Variants in SPMIP8 observed in about 807,000 individuals in gnomAD.
The protein encoded by SPMIP8 is testicular tissue protein Li 196.
At chr16:57,985,840 G>A in the SPMIP8 span, 2 of 1,541,282 alleles carry the variant, frequency 1.3e-6, no homozygotes, top group Non-Finnish European at 1.8e-6. Flanking sequence ...TGGCTCCCGA[G>A]GTCGAGTGAG....
At chr16:57,976,771 T>C in the SPMIP8 span, 1 of 1,013,466 alleles carries the variant, frequency 9.9e-7, no homozygotes, top group Non-Finnish European at 1.4e-6. Context: ...TCCTCCATGA[T>C]CTAAGGTCCT....
chr16:57,985,760 C>A, the SPMIP8 span: 2 of 1,168,252 alleles, frequency 1.7e-6, no homozygotes, highest in Admixed American at 3.1e-5. Flanking sequence ...TCCACCCTTG[C>A]GGAGTGGAGG....
At chr16:57,984,556 G>A in the SPMIP8 span, 2 of 1,496,828 alleles carry the variant, frequency 1.3e-6, no homozygotes, top group Non-Finnish European at 1.8e-6. Context: ...GTCAACTGAG[G>A]CCTTTGGGAT....
the SPMIP8 span, chr16:57,977,850 G>A: frequency 2.7e-5 from 44 of 1,614,066 alleles, no homozygotes; most frequent in East Asian, 7.6e-4. Context: ...GCCCTGGGAC[G>A]ATGGCTCCAC....
At chr16:57,984,530 A>G in the SPMIP8 span, 2 of 1,504,502 alleles carry the variant, frequency 1.3e-6, no homozygotes, top group East Asian at 4.7e-5. Context: ...CCTCGGTCCA[A>G]TGCACCGGGC....
the SPMIP8 span, chr16:57,978,141 G>C: frequency 7.4e-7 from 1 of 1,356,010 alleles, no homozygotes; most frequent in African/African-American, 1.4e-5. Flanking sequence ...CAGCTCTGCT[G>C]CTCCCTGCCC....
the SPMIP8 span, chr16:57,986,269 C>T: frequency 3.4e-6 from 1 of 293,762 alleles, no homozygotes; most frequent in Non-Finnish European, 6.3e-6. Flanking sequence ...AGCCGAGAAT[C>T]TGCCTTTTAG....
chr16:57,977,681 C>T, the SPMIP8 span: 2 of 973,476 alleles, frequency 2.1e-6, no homozygotes, highest in Admixed American at 4.5e-5. Context: ...AGAAAAATGG[C>T]CTGGCACACA....
At chr16:57,979,928 C>T in the SPMIP8 span, among the ~76,000 whole-genome samples, 1 of 152,052 alleles carries the variant, frequency 6.6e-6, no homozygotes, top group African/African-American at 2.4e-5. Context: ...ATTAGCCGGG[C>T]GGGGTGGCGG....
At chr16:57,985,123 T>C in the SPMIP8 span, 2 of 1,320,530 alleles carry the variant, frequency 1.5e-6, no homozygotes, top group Non-Finnish European at 2.0e-6. Flanking sequence ...CGGGGCTGGA[T>C]TGTGGGCGGG....
the SPMIP8 span, among the ~76,000 whole-genome samples, chr16:57,983,019 G>C: frequency 1.5e-4 from 23 of 152,142 alleles, no homozygotes; most frequent in African/African-American, 5.3e-4. Context: ...GACAGAGCGA[G>C]ACTCTGTCTC....
the SPMIP8 span, chr16:57,986,115 G>A: frequency 2.2e-5 from 16 of 728,210 alleles, no homozygotes; most frequent in Non-Finnish European, 3.0e-5. Flanking sequence ...TCCGCCCCTG[G>A]CAAATGTGCA....
the SPMIP8 span, among the ~76,000 whole-genome samples, chr16:57,981,389 A>AATAATAATTATTATTATTATT: frequency 0.054 from 7,204 of 132,828 alleles, 283 homozygotes; most frequent in Non-Finnish European, 0.083. Flanking sequence ...CAATAATAAT[A>AATAATAATTATTATTATTATT]ATAATTATTA....
the SPMIP8 span, chr16:57,985,165 G>GC: frequency 7.0e-7 from 1 of 1,434,612 alleles, no homozygotes; most frequent in East Asian, 2.5e-5. Flanking sequence ...TTGTCCTGGG[G>GC]GGGGGCGGAT....
the SPMIP8 span, chr16:57,984,425 G>A: frequency 1.3e-6 from 2 of 1,561,384 alleles, no homozygotes; most frequent in South Asian, 1.2e-5. Flanking sequence ...AGCACCTCTG[G>A]TCCTGGGATC....
the SPMIP8 span, among the ~76,000 whole-genome samples, chr16:57,981,567 A>G: frequency 8.9e-6 from 1 of 112,188 alleles, no homozygotes; most frequent in East Asian, 2.9e-4. Flanking sequence ...GCTGGAGTGC[A>G]GTGGCGCTAT....
the SPMIP8 span, chr16:57,986,092 C>T: frequency 4.2e-6 from 4 of 948,682 alleles, no homozygotes; most frequent in Non-Finnish European, 5.9e-6. Flanking sequence ...CGAGCTGCTT[C>T]GCTCTGGAGA....
the SPMIP8 span, chr16:57,984,502 T>G: frequency 2.6e-6 from 4 of 1,513,982 alleles, no homozygotes; most frequent in African/African-American, 5.5e-5. Flanking sequence ...CCATCCGGGT[T>G]CACGACTTCG....
chr16:57,981,404 T>TA, the SPMIP8 span, among the ~76,000 whole-genome samples: 57 of 140,516 alleles, frequency 4.1e-4, no homozygotes, highest in African/African-American at 1.5e-3. Flanking sequence ...TTATTATTAT[T>TA]ATAATAATAA....
Sources: gnomAD v4.1 joint callset for allele counts (sites outside exome capture counted in the v4.1 genomes callset) on GRCh38, gnomAD v4.1.1 for gene constraint, MANE v1.5 for transcripts, NCBI Gene and HGNC (gene_info 2026-07-23, HGNC 2026-07-21) for gene names.